NCBP3: variants seen among roughly 807,000 people sequenced by gnomAD.
NCBP3 encodes nuclear cap binding subunit 3, also known as nuclear cap-binding protein subunit 3.
A neutral mutation model predicts 75.7 loss-of-function variants in NCBP3; 20 were observed. The observed-to-expected ratio is 0.26, with a 90% confidence interval of 0.19 to 0.38. The LOEUF (loss-of-function observed/expected upper bound fraction) is 0.38. Among genes scored for constraint, NCBP3 ranks in the 10% least tolerant of loss-of-function variants. The pLI, the probability that NCBP3 is intolerant of heterozygous loss-of-function variation, is 1.00. For missense variants in NCBP3, 678 were observed against 796.9 expected, an observed-to-expected ratio of 0.85 and a Z score of 1.80; for synonymous variants, 293 against 290.5, an observed-to-expected ratio of 1.01 and a Z score of -0.09.
chr17:3,840,698 T>C (rs2054048818), intron 2 of NCBP3, among the ~76,000 whole-genome samples: 6 of 152,072 alleles, frequency 3.9e-5, no homozygotes, highest in Admixed American at 3.9e-4. Flanking sequence ...CCACTTCACA[T>C]TGTCTGAGCA....
At chr17:3,835,451 G>A (rs1349148456) in intron 3 of NCBP3, among the ~76,000 whole-genome samples, 1 of 152,262 alleles carries the variant, frequency 6.6e-6, no homozygotes, top group East Asian at 1.9e-4. Flanking sequence ...AGAGAAGGGA[G>A]ACCAGAAAGT....
In NCBP3 at chr17:3,823,109, C is replaced by T. The variant is rs958817167; in HGVS notation, c.797-1057G>A. Among the ~76,000 whole-genome samples the T allele has an allele frequency of 3.3e-5, 5 of 152,224 alleles. No homozygotes were observed. The East Asian group carries it at 9.7e-4, about 29-fold the overall frequency. On this transcript the variant is annotated intron_variant, in intron 7 of 12. Transcript: ENST00000389005. ...CGGGCGGATCACAAGGTCAAGAGAT[C>T]GAGACCATCCTGGCCAACATGGTGA...
Position 3,846,205 on chromosome 17 carries a change from G to T in NCBP3, c.19C>A (p.Leu7Met), listed in dbSNP as rs915465492. MAAVRG[L>M]RVSVKAEAPA... ...GCCTCCGCCTTCACCGACACCCGCAGGCCCCGTACGGCCGCCATCGCTGCC... is the reference window on the plus strand; with the variant it reads ...GCCTCCGCCTTCACCGACACCCGCATGCCCCGTACGGCCGCCATCGCTGCC... The change falls in exon 1 of 13, where the codon CTG becomes ATG. Residue 7 changes from leucine (L) to methionine (M), a missense_variant. Transcript: ENST00000389005. The surrounding 1 kb of genome is among the most constrained non-coding windows in gnomAD (Gnocchi z 4.6). 1.3e-5 allele frequency: 19 copies of T among 1,454,742 alleles called. No individual in the cohort carries two copies. Among genetic ancestry groups the T allele is most frequent in the Middle Eastern group, 4.7e-4 (2 of 4,268 alleles). The allele number at this position is 1,454,742 out of a possible 1,614,324, so 90.1% of individuals were successfully genotyped here.
At position 3,809,590 on chromosome 17, in the gene NCBP3, C is replaced by G. The variant is rs964974807; in HGVS notation, c.*3454G>C. On this transcript the variant is annotated 3_prime_UTR_variant, in exon 13 of 13. Transcript: ENST00000389005. ...GCGTGGTGGCACATGCCTGTAATCC[C>G]AGCTACTCTGGAGGCTGAGGCAGGA... The G allele has an allele frequency of 3.9e-5, 6 of 152,268 alleles. No individual in the cohort carries two copies. Among genetic ancestry groups the G allele is most frequent in the African/African-American group, 1.4e-4 (6 of 41,442 alleles). 9.4% of individuals were successfully genotyped at this position (152,268 alleles called of 1,614,324 possible).
intron 3 of NCBP3, among the ~76,000 whole-genome samples, chr17:3,839,205 A>C (rs896232496): frequency 1.3e-5 from 2 of 152,068 alleles, no homozygotes; most frequent in South Asian, 2.1e-4. Context: ...AAAATACCCC[A>C]AAAAAACACA....
At chr17:3,830,033 T>C (rs775849602) in intron 3 of NCBP3, among the ~76,000 whole-genome samples, 2 of 152,176 alleles carry the variant, frequency 1.3e-5, no homozygotes, top group Non-Finnish European at 2.9e-5. Flanking sequence ...CTCTGGTCCT[T>C]GAATCGAGAT....
chr17:3,812,657 G>T lies in NCBP3; in HGVS notation c.*387C>A, dbSNP rs1470558504. The T allele has an allele frequency of 9.7e-7, 1 of 1,029,596 alleles. No individual in the cohort carries two copies. Among genetic ancestry groups the T allele is most frequent in the South Asian group, 3.6e-5 (1 of 27,434 alleles). 63.8% of individuals were successfully genotyped at this position (1,029,596 alleles called of 1,614,324 possible). On this transcript the variant is annotated 3_prime_UTR_variant, in exon 13 of 13. Coordinates refer to ENST00000389005, the MANE Select transcript of NCBP3 (RefSeq NM_001114118.3). ...TGGGAAAAGGGTGCTGGTAACAGCT[G>T]TCAGGGCCAAGGCAATAGTGAGAAG...
At chr17:3,816,548 G>C (rs147277275) in intron 10 of NCBP3, among the ~76,000 whole-genome samples, 213 of 152,346 alleles carry the variant, frequency 1.4e-3, no homozygotes, top group Non-Finnish European at 2.3e-3. Context: ...CCTTTTCTGG[G>C]ACAAACGTTA....
At chr17:3,813,558 C>A (rs1231767285) in intron 12 of NCBP3, among the ~76,000 whole-genome samples, 1 of 152,182 alleles carries the variant, frequency 6.6e-6, no homozygotes. Flanking sequence ...CCTGAGAGGC[C>A]GTTTCCTCCT....
At chr17:3,823,565 C>A (rs183383) in intron 7 of NCBP3, among the ~76,000 whole-genome samples, 18,135 of 152,078 alleles carry the variant, frequency 0.12, 1,967 homozygotes, top group African/African-American at 0.29. Flanking sequence ...AGTATCTGCC[C>A]ACCAATTTTT....
At position 3,809,002 on chromosome 17, in the gene NCBP3, A is replaced by T. The variant is rs2053367037; in HGVS notation, c.*4042T>A. 6.6e-6 allele frequency: 1 copy of T among 152,208 alleles called. No homozygotes were observed. Among genetic ancestry groups the T allele is most frequent in the Non-Finnish European group, 1.5e-5 (1 of 68,064 alleles). The allele number at this position is 152,208 out of a possible 1,614,324, so 9.4% of individuals were successfully genotyped here. A position where few individuals can be genotyped will look rare whatever the true frequency, so the allele number is the denominator to read the frequency against. The stretch of plus-strand genomic sequence containing the variant: ...AAATACAAATCAAAACCACAATGAG[A>T]GCCAGGCGTGGTGGCTCATGCCTGT... On this transcript the variant is annotated 3_prime_UTR_variant, in exon 13 of 13. Transcript: ENST00000389005.
Position 3,805,432 on chromosome 17 carries a change from A to C in NCBP3, c.*7612T>G, listed in dbSNP as rs915538556. The C allele has an allele frequency of 1.3e-5, 2 of 152,188 alleles. No homozygotes were observed. Among genetic ancestry groups the C allele is most frequent in the African/African-American group, 4.8e-5 (2 of 41,428 alleles). 9.4% of individuals were successfully genotyped at this position (152,188 alleles called of 1,614,324 possible). ...TTGGACATATGGCTTTTAGGAAGTAATTAAGGTTAGATGAGGTCATAATCC... is the reference window on the plus strand; with the variant it reads ...TTGGACATATGGCTTTTAGGAAGTACTTAAGGTTAGATGAGGTCATAATCC... On this transcript the variant is annotated 3_prime_UTR_variant, in exon 13 of 13. Coordinates refer to ENST00000389005, the MANE Select transcript of NCBP3 (RefSeq NM_001114118.3).
At position 3,813,308 on chromosome 17, in the gene NCBP3, C is replaced by T. The variant is rs754652221; in HGVS notation, c.1628-29G>A. On this transcript the variant is annotated intron_variant, in intron 12 of 12. Transcript: ENST00000389005. ...TTTGGATGAGATGGCATTTCACTTT[C>T]GCAGTCAGCGCTAAGAACCAGGGTA... 61 of 1,611,028 alleles carry T rather than the reference C, an allele frequency of 3.8e-5. No homozygotes were observed. The East Asian group carries it at 1.0e-3, about 26-fold the overall frequency.
intron 9 of NCBP3, among the ~76,000 whole-genome samples, chr17:3,820,904 TGA>T (rs2053648948): frequency 6.6e-6 from 1 of 151,284 alleles, no homozygotes; most frequent in African/African-American, 2.4e-5. Flanking sequence ...CACTCCAGCC[TGA>T]GAGACAGAGC....
intron 10 of NCBP3, 94 bp from the exon 11 acceptor site, chr17:3,816,364 A>T: frequency 8.7e-7 from 1 of 1,145,012 alleles, no homozygotes; most frequent in Non-Finnish European, 1.2e-6. Flanking sequence ...GAAACAATTT[A>T]AGAAATCCTG....
chr17:3,818,775 A>C lies in NCBP3; in HGVS notation c.1001-203T>G, dbSNP rs937420631. 1.3e-5 allele frequency among the ~76,000 whole-genome samples: 2 copies of C among 152,210 alleles called. No individual in the cohort carries two copies. The highest frequency in any genetic ancestry group is 2.9e-5 in the Non-Finnish European group (2 of 68,024). ...TAGGTAAAGTATGATGCAGCAGCCT[A>C]ACCAAATACCATAAAGTCATTTAAA... On this transcript the variant is annotated intron_variant, in intron 9 of 12. Transcript: ENST00000389005. This position sits in a 1 kb window ranked among gnomAD's most constrained non-coding sequence, Gnocchi z 4.7.
chr17:3,830,023 C>A (rs1021457375), intron 3 of NCBP3, among the ~76,000 whole-genome samples: 1 of 152,178 alleles, frequency 6.6e-6, no homozygotes, highest in Non-Finnish European at 1.5e-5. Flanking sequence ...TTTCCTGCGT[C>A]TCTGGTCCTT....
intron 1 of NCBP3, among the ~76,000 whole-genome samples, chr17:3,844,541 A>G (rs1207407978): frequency 6.6e-6 from 1 of 152,216 alleles, no homozygotes; most frequent in Non-Finnish European, 1.5e-5. Flanking sequence ...GCCTTGGTAC[A>G]TAGCGGGGGA....
intron 12 of NCBP3, among the ~76,000 whole-genome samples, chr17:3,813,690 G>C (rs530275180): frequency 1.3e-5 from 2 of 152,312 alleles, no homozygotes; most frequent in Admixed American, 6.5e-5. Context: ...TAACAATAGA[G>C]AAATACGTGT....
Sources: allele counts gnomAD v4.1 joint callset (sites outside exome capture counted in the v4.1 genomes callset), GRCh38; gene constraint gnomAD v4.1.1; non-coding constraint Gnocchi (gnomAD v3.1); transcripts MANE v1.5; gene names NCBI Gene and HGNC (gene_info 2026-07-23, HGNC 2026-07-21).